Variants in NAV2 observed in about 807,000 individuals in gnomAD.
NAV2 encodes neuron navigator 2, also known as helicase, APC down-regulated 1.
NAV2 carries 54 observed loss-of-function variants against 223.2 expected under a neutral mutation model. The ratio of observed to expected loss-of-function variants is 0.24; its 90% CI spans 0.19 to 0.30. The LOEUF (loss-of-function observed/expected upper bound fraction) is 0.30. NAV2 is among the 10% of genes least tolerant of loss of function. NAV2 has a pLI of 1.00. For synonymous variants in NAV2, 1,279 were observed against 1,239.3 expected (o/e 1.03, Z -0.67); for missense variants, 2,806 against 3,147.5 (o/e 0.89, Z 2.60).
intron 1 of NAV2, among the ~76,000 whole-genome samples, chr11:19,566,243 T>TTG (rs1565055994): frequency 2.6e-5 from 4 of 151,530 alleles, no homozygotes; most frequent in African/African-American, 4.9e-5. Context: ...GCTAATTTTT[T>TTG]TTGTTGTTGC....
intron 1 of NAV2, among the ~76,000 whole-genome samples, chr11:19,766,212 C>T (rs190302182): frequency 6.6e-6 from 1 of 152,182 alleles, no homozygotes; most frequent in Non-Finnish European, 1.5e-5. Context: ...TGCAACAAGG[C>T]CCTCTTTTTA....
chr11:19,529,494 C>A (rs979116873), intron 1 of NAV2, among the ~76,000 whole-genome samples: 3 of 152,226 alleles, frequency 2.0e-5, no homozygotes, highest in African/African-American at 4.8e-5. Flanking sequence ...CCACCCCATC[C>A]CCAGTAATTC....
At chr11:20,019,083 A>C (rs558126640) in intron 11 of NAV2, among the ~76,000 whole-genome samples, 3 of 152,328 alleles carry the variant, frequency 2.0e-5, no homozygotes, top group African/African-American at 7.2e-5. Flanking sequence ...AGTGGGCTTT[A>C]AGCAGGAATG....
intron 1 of NAV2, among the ~76,000 whole-genome samples, chr11:19,433,190 C>G (rs1373416143): frequency 6.6e-6 from 1 of 152,158 alleles, no homozygotes; most frequent in Non-Finnish European, 1.5e-5. Context: ...GAGAGGATGC[C>G]TCTAAAGGGC....
chr11:20,028,106 C>T (rs1028200966), intron 11 of NAV2, among the ~76,000 whole-genome samples: 4 of 152,194 alleles, frequency 2.6e-5, no homozygotes, highest in Non-Finnish European at 5.9e-5. Flanking sequence ...GTCTGGTTTA[C>T]TTTCTCAGTT....
At chr11:19,390,383 G>T (rs1247721146) in intron 1 of NAV2, among the ~76,000 whole-genome samples, 1 of 152,128 alleles carries the variant, frequency 6.6e-6, no homozygotes, top group Admixed American at 6.5e-5. Context: ...TGCCCTGAAA[G>T]CCTAATCCTG....
At chr11:20,013,629 G>T (rs951265854) in intron 11 of NAV2, among the ~76,000 whole-genome samples, 1 of 152,108 alleles carries the variant, frequency 6.6e-6, no homozygotes, top group Non-Finnish European at 1.5e-5. Context: ...GAGAAATTAC[G>T]ACCTCATGGA....
At chr11:19,377,934 T>G (rs1246864446) in intron 1 of NAV2, among the ~76,000 whole-genome samples, 1 of 151,998 alleles carries the variant, frequency 6.6e-6, no homozygotes, top group African/African-American at 2.4e-5. Context: ...GGGAGTGATA[T>G]GAAGTGTGGG....
rs771742473 is a variant in NAV2 at position 19,892,533 on chromosome 11, C to T, written c.870C>T (p.Asn290=). The T allele has an allele frequency of 6.2e-7, 1 of 1,614,242 alleles. No homozygotes were observed. Among genetic ancestry groups the T allele is most frequent in the Non-Finnish European group, 8.5e-7 (1 of 1,180,038 alleles). Residue 290 remains asparagine (N), a synonymous_variant, in exon 6 of 38, where the codon AAC becomes AAT. Coordinates refer to ENST00000349880, the MANE Select transcript of NAV2 (RefSeq NM_145117.5). ...TANNRRSQSF[N]NYDKSKPVTS... is the part of the protein sequence containing the mutation. ...ACAACCGACGCAGCCAGAGCTTTAA[C>T]AACTATGATAAATCCAAACCAGTCA...
chr11:19,345,249 G>T, the NAV2 span, among the ~76,000 whole-genome samples: 3 of 152,226 alleles, frequency 2.0e-5, no homozygotes, highest in Non-Finnish European at 2.9e-5. This position sits in a 1 kb window ranked among gnomAD's most constrained non-coding sequence, Gnocchi z 5.2. Flanking sequence ...TGAGAAGCGC[G>T]GGCCGGAGTG....
At chr11:20,010,033 A>G (rs1161856822) in intron 11 of NAV2, among the ~76,000 whole-genome samples, 1 of 152,154 alleles carries the variant, frequency 6.6e-6, no homozygotes, top group African/African-American at 2.4e-5. Flanking sequence ...GCAAGAACCT[A>G]TCTTGTTCAC....
intron 3 of NAV2, among the ~76,000 whole-genome samples, chr11:19,847,228 C>A (rs2060858773): frequency 6.6e-6 from 1 of 152,178 alleles, no homozygotes; most frequent in South Asian, 2.1e-4. Context: ...GGCATTGGCT[C>A]ACTTTGGAGC....
Position 20,079,942 on chromosome 11 carries a change from T to C in NAV2, c.5180-122T>C, listed in dbSNP as rs76146892. The C allele has an allele frequency of 7.2e-6, 7 of 977,808 alleles. No individual in the cohort carries two copies. The South Asian group carries it at 9.8e-5, about 14-fold the overall frequency. The allele number at this position is 977,808 out of a possible 1,614,324, so 60.6% of individuals were successfully genotyped here. ...AAACAGCTGTAGGGATCAGAGTTGA[T>C]GTATATGTGGAAAACACCCAGTAGT... is the stretch of plus-strand genomic sequence containing the variant. On this transcript the variant is annotated intron_variant, in intron 24 of 37. Transcript: ENST00000349880.
chr11:20,110,072 C>T (rs79371995), intron 36 of NAV2, among the ~76,000 whole-genome samples: 2,238 of 152,332 alleles, frequency 0.015, 37 homozygotes, highest in East Asian at 0.043. Flanking sequence ...GCGTCCTTCC[C>T]ACCATGGGAA....
intron 1 of NAV2, among the ~76,000 whole-genome samples, chr11:19,720,492 C>A (rs2050666202): frequency 6.6e-6 from 1 of 152,174 alleles, no homozygotes; most frequent in Non-Finnish European, 1.5e-5. Flanking sequence ...AACCTCAACA[C>A]CTTCAGTGAA....
chr11:19,354,418 G>C (rs1293869584), intron 1 of NAV2, among the ~76,000 whole-genome samples: 1 of 152,232 alleles, frequency 6.6e-6, no homozygotes, highest in Admixed American at 6.5e-5. Context: ...GCTGCATGTG[G>C]CTAGGGGCCA....
intron 1 of NAV2, among the ~76,000 whole-genome samples, chr11:19,779,141 C>G (rs1425361118): frequency 6.6e-6 from 1 of 152,096 alleles, no homozygotes; most frequent in East Asian, 1.9e-4. Context: ...TTGGGTCTGC[C>G]TGAATCTTTA....
rs117404082 is a variant in NAV2 at position 19,733,678 on chromosome 11, G to A, written c.267+19716G>A. On this transcript the variant is annotated intron_variant, in intron 1 of 37. Transcript: ENST00000349880. ...TTTAGATATATGGGGAGAGGAAAGA[G>A]GGTTTTTCAAGGACAGAAAGCTATC... Among the ~76,000 whole-genome samples, 1,023 of 152,262 alleles carry A rather than the reference G, an allele frequency of 6.7e-3. 12 individuals carry two copies. The highest frequency in any genetic ancestry group is 7.4e-3 in the Non-Finnish European group (501 of 68,016).
At chr11:19,619,782 A>G (rs986722099) in intron 1 of NAV2, among the ~76,000 whole-genome samples, 3 of 152,056 alleles carry the variant, frequency 2.0e-5, no homozygotes, top group Non-Finnish European at 4.4e-5. Context: ...CCATTTGTCA[A>G]TTTTGTCTTT....
Sources: gnomAD v4.1 joint callset for allele counts (sites outside exome capture counted in the v4.1 genomes callset) on GRCh38, gnomAD v4.1.1 for gene constraint, Gnocchi (gnomAD v3.1) non-coding constraint, MANE v1.5 for transcripts, NCBI Gene and HGNC (gene_info 2026-07-23, HGNC 2026-07-21) for gene names.